POLR2F: variants seen among roughly 807,000 people sequenced by gnomAD.
POLR2F encodes the protein DNA-directed RNA polymerases I, II, and III subunit RPABC2.
A neutral mutation model predicts 22.7 loss-of-function variants in POLR2F; 12 were observed. The observed-to-expected ratio is 0.53, with a 90% CI of 0.34 to 0.86. The LOEUF (loss-of-function observed/expected upper bound fraction) is 0.86. Among genes scored for constraint, POLR2F ranks in the 40% least tolerant of loss-of-function variants. POLR2F has a pLI of 0.02. For synonymous variants in POLR2F, 57 were observed against 66.0 expected (o/e 0.86, Z 0.66); for missense variants, 126 against 171.5 (o/e 0.73, Z 1.48).
At position 37,959,471 on chromosome 22, in the gene POLR2F, G is replaced by C. The variant is rs1931538337; in HGVS notation, c.216G>C (p.Gln72His). 1 of 1,613,714 alleles carries C rather than the reference G, an allele frequency of 6.2e-7. No individual in the cohort carries two copies. The highest frequency in any genetic ancestry group is 1.6e-4 in the Middle Eastern group (1 of 6,062). The change falls in exon 3 of 5, where the codon CAG becomes CAC. Residue 72 changes from glutamine to histidine, a missense_variant. By Grantham distance (24) the Gln-to-His change is conservative (BLOSUM62 0). Transcript: ENST00000442738. ...GCGTGCTGGGCACCCGAGCGCTCCAGATTGCGTGAGTGATTGCCCCTTCAC... is the reference window on the plus strand; with the variant it reads ...GCGTGCTGGGCACCCGAGCGCTCCACATTGCGTGAGTGATTGCCCCTTCAC... ...RARVLGTRAL[Q>H]IAMCAPVMVE...
At chr22:38,025,706 A>T in intron 1 of POLR2F, 1 of 1,535,174 alleles carries the variant, frequency 6.5e-7, no homozygotes, top group Non-Finnish European at 8.8e-7. Flanking sequence ...TCATCACCCC[A>T]TTGTACAGAT....
At chr22:37,972,713 A>C (rs1158212945), downstream of POLR2F, 1 of 157,860 alleles carries the variant, frequency 6.3e-6, no homozygotes, top group Non-Finnish European at 1.4e-5. Flanking sequence ...CAAGGAGCCC[A>C]GGGAGGGAGG....
intron 5 of POLR2F, among the ~76,000 whole-genome samples, chr22:38,036,551 TACTG>T (rs1458489262): frequency 6.7e-6 from 1 of 149,264 alleles, no homozygotes; most frequent in Admixed American, 6.8e-5. Flanking sequence ...AGTAAACACT[TACTG>T]AAAGAATGAT....
Position 37,997,433 on chromosome 22 carries a change from T to G in POLR2F, c.120+11121T>G, listed in dbSNP as rs1418703330. Among the ~76,000 whole-genome samples the G allele has an allele frequency of 6.6e-6, 1 of 152,056 alleles. No homozygotes were observed. The highest frequency in any genetic ancestry group is 1.5e-5 in the Non-Finnish European group (1 of 67,990). Reference sequence around the variant, plus strand: ...CTGGCTCCCTGTCTCTCTCCAGCCCTGTCTCTGTCTCTCCCTGTTTTTCTC... The same window carrying G: ...CTGGCTCCCTGTCTCTCTCCAGCCCGGTCTCTGTCTCTCCCTGTTTTTCTC... On this transcript the variant is annotated intron_variant, in intron 1 of 2. Transcript: ENST00000333418. The surrounding 1 kb of genome is among the most constrained non-coding windows in gnomAD (Gnocchi z 4.4).
At chr22:37,977,572 G>T (rs985418326) in intron 4 of POLR2F, among the ~76,000 whole-genome samples, 1 of 151,858 alleles carries the variant, frequency 6.6e-6, no homozygotes, top group Non-Finnish European at 1.5e-5. Flanking sequence ...TGCCCTCCTC[G>T]GCCTCCCAAA....
upstream of POLR2F, among the ~76,000 whole-genome samples, chr22:37,983,027 G>GAT: frequency 6.6e-6 from 1 of 152,216 alleles, no homozygotes; most frequent in East Asian, 1.9e-4. The surrounding 1 kb of genome is among the most constrained non-coding windows in gnomAD (Gnocchi z 9.5). Context: ...CATAGTGTGC[G>GAT]TATCTGTGGG....
At chr22:38,041,464 G>T (rs1437164738), downstream of POLR2F, 3 of 300,220 alleles carry the variant, frequency 1.0e-5, no homozygotes, top group Non-Finnish European at 1.9e-5. Flanking sequence ...GCTTGTGGGC[G>T]GTGGAAAAGC....
At position 38,031,740 on chromosome 22, in the gene POLR2F, G is replaced by A. The variant is rs1191283642; in HGVS notation, c.453-9328G>A. Reference sequence around the variant, plus strand: ...CTGTGAGTCCATGTCTCAAACCCGCGTCACCATGCTGCCCCCAGACCAACC... The same window carrying A: ...CTGTGAGTCCATGTCTCAAACCCGCATCACCATGCTGCCCCCAGACCAACC... On this transcript the variant is annotated intron_variant, in intron 5 of 5. Coordinates refer to the POLR2F transcript ENST00000407936. This position sits in a 1 kb window ranked among gnomAD's most constrained non-coding sequence, Gnocchi z 4.1. 1.3e-5 allele frequency among the ~76,000 whole-genome samples: 2 copies of A among 152,066 alleles called. No homozygotes were observed. Among genetic ancestry groups the A allele is most frequent in the South Asian group, 2.1e-4 (1 of 4,824 alleles).
downstream of POLR2F, among the ~76,000 whole-genome samples, chr22:38,030,483 A>G (rs1470410909): frequency 6.6e-6 from 1 of 152,202 alleles, no homozygotes; most frequent in Non-Finnish European, 1.5e-5. Context: ...CGCTGACTCC[A>G]GCGCACTGCC....
upstream of POLR2F, among the ~76,000 whole-genome samples, chr22:37,982,251 G>A (rs1932422225): frequency 6.6e-6 from 1 of 152,210 alleles, no homozygotes; most frequent in Non-Finnish European, 1.5e-5. Flanking sequence ...CCCTGGCTCT[G>A]CTACCAACTT....
intron 1 of POLR2F, among the ~76,000 whole-genome samples, chr22:38,002,005 C>G (rs1256644497): frequency 6.6e-6 from 1 of 151,004 alleles, no homozygotes; most frequent in Non-Finnish European, 1.5e-5. Flanking sequence ...TGTAAAAATA[C>G]GAAAATACAA....
rs141245058 is a variant in POLR2F at position 38,002,021 on chromosome 22, T to C, written c.120+15709T>C. On this transcript the variant is annotated intron_variant, in intron 1 of 2. Coordinates refer to the POLR2F transcript ENST00000333418. The stretch of plus-strand genomic sequence containing the variant: ...GTAAAAATACGAAAATACAAATTTT[T>C]GTATTTTTAGTAGAGACCAGGTTTC... Among the ~76,000 whole-genome samples, 17 of 152,158 alleles carry C rather than the reference T, an allele frequency of 1.1e-4. No homozygotes were observed. In the South Asian group the frequency reaches 2.1e-3, roughly 19 times the overall value.
chr22:37,978,094 G>T lies in POLR2F; in HGVS notation c.293+10924G>T. The T allele has an allele frequency of 6.3e-7, 1 of 1,594,056 alleles. No individual in the cohort carries two copies. Among genetic ancestry groups the T allele is most frequent in the Admixed American group, 1.7e-5 (1 of 58,870 alleles). ...CTTGTGCTGCATACGGAGCCGCTCA[G>T]CCTCCTCGATGAAGGGGCGCTTGTC... On this transcript the variant is annotated intron_variant, in intron 4 of 4. Transcript: ENST00000405557. This position sits in a 1 kb window ranked among gnomAD's most constrained non-coding sequence, Gnocchi z 5.0.
At chr22:37,971,134 A>G (rs1932038335), downstream of POLR2F, 1 of 431,886 alleles carries the variant, frequency 2.3e-6, no homozygotes, top group Non-Finnish European at 4.9e-6. Flanking sequence ...AGTCTGGAGC[A>G]GTGGAAGATG....
chr22:38,032,114 C>T (rs2085071566), intron 5 of POLR2F: 1 of 152,280 alleles, frequency 6.6e-6, no homozygotes, highest in Admixed American at 6.5e-5. Flanking sequence ...CCTCCCACTT[C>T]AGCCTTCCAA....
At chr22:38,028,171 A>G (rs1391795078), downstream of POLR2F, among the ~76,000 whole-genome samples, 3 of 152,114 alleles carry the variant, frequency 2.0e-5, no homozygotes, top group East Asian at 5.8e-4. Flanking sequence ...CCTTGTGTGC[A>G]TGAGAGAGAG....
chr22:38,037,733 C>A (rs541603494), intron 5 of POLR2F, among the ~76,000 whole-genome samples: 1 of 152,158 alleles, frequency 6.6e-6, no homozygotes, highest in African/African-American at 2.4e-5. Flanking sequence ...GCTGGGACTA[C>A]AGGCACGTGC....
chr22:38,003,692 T>A (rs1569178158), intron 1 of POLR2F, among the ~76,000 whole-genome samples: 2 of 151,810 alleles, frequency 1.3e-5, no homozygotes, highest in Non-Finnish European at 2.9e-5. Flanking sequence ...TTCTCACACC[T>A]CAGCCTCCCA....
At chr22:38,027,132 C>T (rs1318605932), downstream of POLR2F, among the ~76,000 whole-genome samples, 1 of 152,166 alleles carries the variant, frequency 6.6e-6, no homozygotes, top group Non-Finnish European at 1.5e-5. Flanking sequence ...TGCGGGATGA[C>T]GCCAGTCCTC....
Sources: allele counts gnomAD v4.1 joint callset (sites outside exome capture counted in the v4.1 genomes callset), GRCh38; gene constraint gnomAD v4.1.1; non-coding constraint Gnocchi (gnomAD v3.1); transcripts MANE v1.5; gene names NCBI Gene and HGNC (gene_info 2026-07-23, HGNC 2026-07-21).